The following SPAG9 variants were observed in gnomAD, a reference collection of about 807,000 sequenced individuals.
SPAG9 encodes the protein sperm associated antigen 9, also known as C-Jun-amino-terminal kinase-interacting protein 4.
A neutral mutation model predicts 166.5 loss-of-function variants in SPAG9; 35 were observed. The observed-to-expected ratio is 0.21, with a 90% CI of 0.16 to 0.28. The LOEUF (loss-of-function observed/expected upper bound fraction) is 0.28. SPAG9 is among the 10% of genes least tolerant of loss of function. The pLI is 1.00. For missense variants in SPAG9, 1,235 were observed against 1,603.3 expected, an observed-to-expected ratio of 0.77 and a Z score of 3.92; for synonymous variants, 534 against 565.5, an observed-to-expected ratio of 0.94 and a Z score of 0.79.
chr17:51,010,987 G>C (rs778568365), intron 9 of SPAG9, among the ~76,000 whole-genome samples: 3 of 152,084 alleles, frequency 2.0e-5, no homozygotes, highest in South Asian at 4.2e-4. Flanking sequence ...CCTGAAAGAC[G>C]AGCAAAGGAA....
chr17:50,994,348 T>C (rs1975885749), intron 18 of SPAG9, among the ~76,000 whole-genome samples: 1 of 152,242 alleles, frequency 6.6e-6, no homozygotes, highest in African/African-American at 2.4e-5. Context: ...AGGTTACCTA[T>C]GTAAGCCCAA....
intron 9 of SPAG9, chr17:51,007,995 T>C (rs2045299687): frequency 3.6e-6 from 1 of 280,556 alleles, no homozygotes; most frequent in East Asian, 8.3e-5. Flanking sequence ...TATGATTTAA[T>C]GCATAATGAT....
chr17:51,066,906 A>G (rs946491751), intron 2 of SPAG9, among the ~76,000 whole-genome samples: 13 of 151,960 alleles, frequency 8.6e-5, no homozygotes, highest in African/African-American at 3.1e-4. Context: ...AAAAAAGGAT[A>G]GTTTACGTCT....
Position 51,021,299 on chromosome 17 carries a change from C to T in SPAG9, c.850G>A (p.Asp284Asn). 1 of 1,614,124 alleles carries T rather than the reference C, an allele frequency of 6.2e-7. No homozygotes were observed. Among genetic ancestry groups the T allele is most frequent in the Non-Finnish European group, 8.5e-7 (1 of 1,180,004 alleles). ...GTATCAGTAGGAATTGTTGCCACAT[C>T]TGAATTAGCTGTTGATGCTGGAGTG... is the stretch of plus-strand genomic sequence containing the variant. ...ATTPASTANS[D>N]VATIPTDTPL... The change falls in exon 7 of 30, where the codon GAT (aspartate) becomes AAT (asparagine). Residue 284 changes from aspartate to asparagine, a missense_variant. By Grantham distance (23) the Asp-to-Asn change is conservative (BLOSUM62 1). Transcript: ENST00000262013.
chr17:51,067,275 A>G (rs1217915377), intron 2 of SPAG9, among the ~76,000 whole-genome samples: 1 of 152,240 alleles, frequency 6.6e-6, no homozygotes, highest in Non-Finnish European at 1.5e-5. Context: ...AAGTCCCATA[A>G]GATGGTATAA....
At chr17:51,033,767 A>G (rs8072579) in intron 5 of SPAG9, among the ~76,000 whole-genome samples, 6,581 of 152,310 alleles carry the variant, frequency 0.043, 483 homozygotes, top group African/African-American at 0.15. Flanking sequence ...TAACACAGTG[A>G]GCATCAATAA....
At position 50,974,799 on chromosome 17, in the gene SPAG9, A is replaced by T; in HGVS notation, c.3672T>A (p.Asp1224Glu). 6.2e-7 allele frequency: 1 copy of T among 1,603,296 alleles called. No homozygotes were observed. Among genetic ancestry groups the T allele is most frequent in the Non-Finnish European group, 8.5e-7 (1 of 1,177,624 alleles). The change falls in exon 28 of 30, where the codon GAT (aspartate) becomes GAA (glutamate). Residue 1224 changes from aspartate to glutamate, a missense_variant. By Grantham distance (45) the Asp-to-Glu change is conservative. Coordinates refer to ENST00000262013, the MANE Select transcript of SPAG9 (RefSeq NM_001130528.3). ...HAQLCFHGHR[D>E]AVKFFVAVPG... is the part of the protein sequence containing the mutation. ...GGACTGCCACAAAGAATTTCACAGC[A>T]TCCCGGTGCCCATGGAAGCAAAGCT... is the stretch of plus-strand genomic sequence containing the variant.
intron 14 of SPAG9, chr17:50,999,449 A>AT (rs1296968424): frequency 5.4e-6 from 8 of 1,489,742 alleles, no homozygotes; most frequent in Non-Finnish European, 5.3e-6. Flanking sequence ...ACGATATCAT[A>AT]TTTTTTGTCC....
intron 14 of SPAG9, chr17:50,999,342 A>C (rs902228478): frequency 5.7e-5 from 39 of 689,206 alleles, no homozygotes; most frequent in Non-Finnish European, 8.2e-5. Flanking sequence ...AACTTATTTA[A>C]TGGGGATCCA....
chr17:51,025,810 T>C (rs1230096300), intron 6 of SPAG9, among the ~76,000 whole-genome samples: 1 of 152,174 alleles, frequency 6.6e-6, no homozygotes, highest in Non-Finnish European at 1.5e-5. Flanking sequence ...GAGAATCGCT[T>C]GAACCCAGGA....
At chr17:51,032,445 T>A (rs919459398) in intron 5 of SPAG9, among the ~76,000 whole-genome samples, 3 of 152,178 alleles carry the variant, frequency 2.0e-5, no homozygotes. Flanking sequence ...ATTACAGGCA[T>A]GAGCCATGTG....
chr17:51,053,854 A>AAAAAATAT (rs1491529465), intron 3 of SPAG9, among the ~76,000 whole-genome samples: 2 of 34,452 alleles, frequency 5.8e-5, no homozygotes, highest in African/African-American at 1.6e-4. Context: ...AAAAAAAAAA[A>AAAAAATAT]GTATATATAT....
At chr17:51,004,166 T>C (rs2045092479) in intron 12 of SPAG9, among the ~76,000 whole-genome samples, 1 of 152,208 alleles carries the variant, frequency 6.6e-6, no homozygotes, top group African/African-American at 2.4e-5. Flanking sequence ...AATTTTTTTT[T>C]TAAGTTAAGC....
rs185936570 is a variant in SPAG9, at chr17:51,087,223, T to G, written c.304-7519A>C. Among the ~76,000 whole-genome samples, 30 of 152,318 alleles carry G rather than the reference T, an allele frequency of 2.0e-4. No individual in the cohort carries two copies. In the East Asian group the frequency reaches 3.7e-3, roughly 19 times the overall value. On this transcript the variant is annotated intron_variant, in intron 1 of 29. Transcript: ENST00000262013. ...GTAACCTCATAAACAGAAGTTGCTG[T>G]AGGGTAGAATAGCTCAGAAAGCAGA...
At chr17:50,975,554 C>G (rs73346136) in intron 27 of SPAG9, among the ~76,000 whole-genome samples, 1 of 152,040 alleles carries the variant, frequency 6.6e-6, no homozygotes, top group African/African-American at 2.4e-5. Context: ...GAAATATGAT[C>G]GGTAACAAGA....
At position 50,990,520 on chromosome 17, in the gene SPAG9, T is replaced by C. The variant is rs769099071; in HGVS notation, c.2547A>G (p.Ala849=). The C allele has an allele frequency of 2.5e-6, 4 of 1,614,266 alleles. No homozygotes were observed. The highest frequency in any genetic ancestry group is 3.4e-6 in the Non-Finnish European group (4 of 1,180,044). ...LGGITVVGCS[A]EGVTGAATSP... The stretch of plus-strand genomic sequence containing the variant: ...AAGTGGCAGCTCCCGTCACACCTTC[T>C]GCAGAACAACCAACCACTGTGATGC... Residue 849 remains alanine (A), a synonymous_variant, in exon 20 of 30, where the codon GCA becomes GCG. Coordinates refer to ENST00000262013, the MANE Select transcript of SPAG9 (RefSeq NM_001130528.3).
chr17:51,066,220 C>G (rs1014907260), intron 2 of SPAG9, among the ~76,000 whole-genome samples: 1 of 151,904 alleles, frequency 6.6e-6, no homozygotes. Context: ...ATCCTCCAGG[C>G]TCAAGTGATC....
intron 9 of SPAG9, among the ~76,000 whole-genome samples, chr17:51,010,987 G>A (rs778568365): frequency 4.6e-5 from 7 of 152,084 alleles, no homozygotes; most frequent in East Asian, 1.9e-4. Context: ...CCTGAAAGAC[G>A]AGCAAAGGAA....
chr17:51,016,612 TA>T (rs1404428106), intron 8 of SPAG9, among the ~76,000 whole-genome samples: 1 of 152,130 alleles, frequency 6.6e-6, no homozygotes, highest in Non-Finnish European at 1.5e-5. Context: ...CAAAAAGTTG[TA>T]AAAGAAATGA....
Sources: allele counts gnomAD v4.1 joint callset (sites outside exome capture counted in the v4.1 genomes callset), GRCh38; gene constraint gnomAD v4.1.1; transcripts MANE v1.5; gene names NCBI Gene and HGNC (gene_info 2026-07-23, HGNC 2026-07-21).